DMD: variants seen among roughly 807,000 people sequenced by gnomAD.
The protein encoded by DMD is mutant dystrophin.
Under a neutral mutation model 330.1 loss-of-function variants are expected in DMD, and 63 were observed. The ratio of observed to expected loss-of-function variants is 0.19; its 90% CI spans 0.16 to 0.24. The LOEUF (loss-of-function observed/expected upper bound fraction) is 0.24. Ranked by LOEUF, DMD falls within the 10% of genes least tolerant of loss-of-function variation. DMD has a pLI of 1.00. For synonymous variants in DMD, 1,223 were observed against 959.8 expected (o/e 1.27, Z -5.07); for missense variants, 3,344 against 2,684.1 (o/e 1.25, Z -5.43).
At chrX:32,182,276 AG>A (rs2096929780) in intron 44 of DMD, among the ~76,000 whole-genome samples, 1 of 112,553 alleles carries the variant, frequency 8.9e-6, no homozygotes, top group Admixed American at 9.5e-5. Context: ...ATATTATCAT[AG>A]AAGCTAGTCC....
At chrX:32,610,492 A>G (rs889818818) in intron 12 of DMD, among the ~76,000 whole-genome samples, 3 of 111,591 alleles carry the variant, frequency 2.7e-5, no homozygotes, top group Non-Finnish European at 5.7e-5. Context: ...TGAAATGAAG[A>G]TAGCAAAGGA....
chrX:31,712,322 C>G (rs2084701564), intron 52 of DMD, among the ~76,000 whole-genome samples: 1 of 110,757 alleles, frequency 9.0e-6, no homozygotes, highest in Non-Finnish European at 1.9e-5. Context: ...GGAACAGACC[C>G]CATAGCTAAA....
chrX:33,016,468 C>T (rs998172714), intron 2 of DMD, among the ~76,000 whole-genome samples: 2 of 111,003 alleles, frequency 1.8e-5, no homozygotes, highest in African/African-American at 6.6e-5. Context: ...AATAAAAACT[C>T]TCTCCTTTTC....
intron 57 of DMD, among the ~76,000 whole-genome samples, chrX:31,492,291 T>C (rs1232138565): frequency 3.6e-5 from 4 of 112,421 alleles, no homozygotes; most frequent in Non-Finnish European, 7.5e-5. Flanking sequence ...CTAACTGAGT[T>C]CAGGAGATCT....
intron 37 of DMD, among the ~76,000 whole-genome samples, chrX:32,358,222 G>A (rs186348921): frequency 2.7e-5 from 3 of 111,113 alleles, no homozygotes; most frequent in African/African-American, 6.5e-5. Context: ...TTGGCTTCTA[G>A]AGGGATGGAG....
At chrX:31,135,434 T>C (rs886813309) in intron 76 of DMD, among the ~76,000 whole-genome samples, 4 of 112,065 alleles carry the variant, frequency 3.6e-5, no homozygotes, top group African/African-American at 1.3e-4. Flanking sequence ...TATTGGAGAG[T>C]TATGGTCCTT....
intron 11 of DMD, among the ~76,000 whole-genome samples, chrX:32,634,300 C>G (rs931437841): frequency 8.1e-5 from 9 of 111,673 alleles, no homozygotes; most frequent in African/African-American, 2.9e-4. Context: ...ATCAGGGACC[C>G]TAGGAGCCCA....
At chrX:32,938,481 A>G (rs1015600919) in intron 2 of DMD, among the ~76,000 whole-genome samples, 1 of 111,318 alleles carries the variant, frequency 9.0e-6, no homozygotes, top group African/African-American at 3.3e-5. Flanking sequence ...CCTCTCAGAT[A>G]AGTCAGTAAC....
intron 1 of DMD, among the ~76,000 whole-genome samples, chrX:33,294,520 C>T (rs1277733560): frequency 9.0e-6 from 1 of 110,907 alleles, no homozygotes; most frequent in Non-Finnish European, 1.9e-5. Flanking sequence ...GAAAAATGAA[C>T]TCATATAAGT....
chrX:32,158,447 G>A (rs1432321635), intron 44 of DMD, among the ~76,000 whole-genome samples: 3 of 111,669 alleles, frequency 2.7e-5, no homozygotes, highest in Non-Finnish European at 3.8e-5. Context: ...CTTAAAAAAA[G>A]CAGAGTTTAA....
chrX:32,595,969 T>C (rs1222894817), intron 12 of DMD, 93 bp from the exon 13 acceptor site: 1 of 831,773 alleles, frequency 1.2e-6, no homozygotes, highest in East Asian at 3.3e-5. Context: ...TTATTTCTGC[T>C]ACATCTCAGG....
intron 48 of DMD, among the ~76,000 whole-genome samples, chrX:31,853,168 G>A (rs774632553): frequency 1.8e-5 from 2 of 112,999 alleles, no homozygotes; most frequent in Non-Finnish European, 3.7e-5. Context: ...ACAGGTGTGA[G>A]CCACTGCACC....
intron 51 of DMD, among the ~76,000 whole-genome samples, chrX:31,765,050 C>CTT (rs71981919): frequency 3.0e-5 from 3 of 100,173 alleles, no homozygotes; most frequent in East Asian, 3.1e-4. Context: ...AATCCTGTTG[C>CTT]TTTTTTTTTT....
At chrX:31,220,637 C>T (rs1021523995) in intron 64 of DMD, among the ~76,000 whole-genome samples, 1 of 111,188 alleles carries the variant, frequency 9.0e-6, no homozygotes, top group Non-Finnish European at 1.9e-5. Context: ...CAATCCTCTC[C>T]CCCGTTACAA....
At chrX:31,609,635 G>A (rs1445269025) in intron 55 of DMD, among the ~76,000 whole-genome samples, 1 of 111,895 alleles carries the variant, frequency 8.9e-6, no homozygotes, top group East Asian at 2.8e-4. Context: ...AAATAGAAAA[G>A]TAAAAGAAGA....
At chrX:32,795,237 T>C (rs2076100719) in intron 7 of DMD, among the ~76,000 whole-genome samples, 1 of 111,990 alleles carries the variant, frequency 8.9e-6, no homozygotes, top group African/African-American at 3.3e-5. Context: ...TCACACTACT[T>C]GACAAAACAG....
At chrX:32,360,912 G>T (rs1294482908) in intron 37 of DMD, among the ~76,000 whole-genome samples, 1 of 110,717 alleles carries the variant, frequency 9.0e-6, no homozygotes, top group Non-Finnish European at 1.9e-5. Flanking sequence ...CTTTATGCAT[G>T]ATTTCCAGAA....
At chrX:31,716,842 CACACACACACACACATAT>C (rs1216231334) in intron 52 of DMD, among the ~76,000 whole-genome samples, 1 of 97,065 alleles carries the variant, frequency 1.0e-5, no homozygotes, top group African/African-American at 3.8e-5. Flanking sequence ...CACACACACA[CACACACACACACACATAT>C]ATATATATAT....
In DMD at chrX:32,362,772, G is replaced by A; in HGVS notation, c.5325+16C>T. The A allele has an allele frequency of 8.3e-7, 1 of 1,209,953 alleles. No individual in the cohort carries two copies. Among genetic ancestry groups the A allele is most frequent in the South Asian group, 1.8e-5 (1 of 56,950 alleles). On this transcript the variant is annotated intron_variant, in intron 37 of 78. Coordinates refer to ENST00000357033, the MANE Select transcript of DMD (RefSeq NM_004006.3). The stretch of plus-strand genomic sequence containing the variant: ...CCATTTAGCACAAGTTTCCACCTTG[G>A]AGTAGATCTTCCTACCTTTCCAGTC...
Sources: allele counts gnomAD v4.1 joint callset (sites outside exome capture counted in the v4.1 genomes callset), GRCh38; gene constraint gnomAD v4.1.1; transcripts MANE v1.5; gene names NCBI Gene and HGNC (gene_info 2026-07-23, HGNC 2026-07-21).